CSMD1: variants seen among roughly 807,000 people sequenced by gnomAD.
CSMD1 encodes CUB and sushi domain-containing protein 1.
In CSMD1, 213 loss-of-function variants were observed where a neutral mutation model predicts 417.5. The ratio of observed to expected loss-of-function variants is 0.51; its 90% CI spans 0.46 to 0.57. The LOEUF is 0.57. Among genes scored for constraint, CSMD1 ranks in the 20% least tolerant of loss-of-function variants. The pLI is 0.00. For missense variants in CSMD1, 6,923 were observed against 4,529.7 expected (o/e 1.53, Z -15.17); for synonymous variants, 2,862 against 1,736.8 (o/e 1.65, Z -16.11).
At chr8:3,020,483 C>T (rs1283160023) in intron 51 of CSMD1, among the ~76,000 whole-genome samples, 1 of 152,146 alleles carries the variant, frequency 6.6e-6, no homozygotes, top group Admixed American at 6.5e-5. Flanking sequence ...CATCCTTCTG[C>T]TCAGCCTCCC....
At chr8:4,966,579 T>G (rs1394896904) in intron 1 of CSMD1, among the ~76,000 whole-genome samples, 2 of 152,146 alleles carry the variant, frequency 1.3e-5, no homozygotes, top group African/African-American at 4.8e-5. Context: ...CACACTGACA[T>G]GCTAAATACA....
At chr8:4,358,817 A>T (rs1207344576) in intron 3 of CSMD1, among the ~76,000 whole-genome samples, 1 of 152,198 alleles carries the variant, frequency 6.6e-6, no homozygotes. Context: ...GTTATAAATC[A>T]CGTAAGAGTG....
intron 3 of CSMD1, among the ~76,000 whole-genome samples, chr8:4,059,595 A>C (rs973279364): frequency 6.6e-6 from 1 of 152,126 alleles, no homozygotes; most frequent in Admixed American, 6.5e-5. Context: ...ATGCAATAAA[A>C]AATGATAAAG....
At position 3,712,778 on chromosome 8, in the gene CSMD1, T is replaced by C. The variant is rs1358655100; in HGVS notation, c.932-4287A>G. 2.6e-5 allele frequency among the ~76,000 whole-genome samples: 4 copies of C among 152,276 alleles called. No homozygotes were observed. The East Asian group carries it at 7.7e-4, about 29-fold the overall frequency. ...TAGTCTCACATTCCCTGGTGTCTGT[T>C]GGGTAAGGTGATTCCTTAGTAATTC... On this transcript the variant is annotated intron_variant, in intron 6 of 69. Transcript: ENST00000635120.
Position 3,408,096 on chromosome 8 carries a change from A to G in CSMD1, c.1874T>C (p.Ile625Thr). 1.2e-6 allele frequency: 2 copies of G among 1,613,952 alleles called. No individual in the cohort carries two copies. The highest frequency in any genetic ancestry group is 1.7e-6 in the Non-Finnish European group (2 of 1,179,878). The part of the protein sequence containing the change: ...ISEPGSRIHL[I>T]FNDFDVEPQF... Reference sequence around the variant, plus strand: ...AGGCTCAACATCAAAATCATTAAAGATTAGGTGAATTCGACTTCCTGGCTC... The same window carrying G: ...AGGCTCAACATCAAAATCATTAAAGGTTAGGTGAATTCGACTTCCTGGCTC... Residue 625 changes from isoleucine (I) to threonine (T), a missense_variant, in exon 14 of 70, where the codon ATC (isoleucine) becomes ACC (threonine). Physicochemically the swap from Ile to Thr is moderately conservative, Grantham distance 89. Transcript: ENST00000635120.
At position 2,976,329 on chromosome 8, in the gene CSMD1, C is replaced by T. The variant is rs375719605; in HGVS notation, c.8567-1705G>A. On this transcript the variant is annotated intron_variant, in intron 55 of 69. Transcript: ENST00000635120. ...CCTTTTATTGTGTATGTGGTAGATC[C>T]GATTCATAATGTAAGTGCCATTTCC... 7.9e-5 allele frequency among the ~76,000 whole-genome samples: 12 copies of T among 151,982 alleles called. No homozygotes were observed. The East Asian group carries it at 1.5e-3, about 20-fold the overall frequency.
intron 8 of CSMD1, among the ~76,000 whole-genome samples, chr8:3,594,552 C>G (rs913948845): frequency 6.6e-6 from 1 of 152,108 alleles, no homozygotes; most frequent in Non-Finnish European, 1.5e-5. Flanking sequence ...AGGTTATTTC[C>G]ATTACCATGG....
chr8:3,678,137 C>T (rs1016827881), intron 7 of CSMD1, among the ~76,000 whole-genome samples: 5 of 152,182 alleles, frequency 3.3e-5, no homozygotes, highest in Admixed American at 6.6e-5. Context: ...TTCTGCATTT[C>T]CAGCTGAGGA....
chr8:4,119,552 C>T (rs565750400), intron 3 of CSMD1, among the ~76,000 whole-genome samples: 1 of 151,140 alleles, frequency 6.6e-6, no homozygotes, highest in South Asian at 2.1e-4. Flanking sequence ...TAGATGAGGC[C>T]TTAAGGGTGT....
At chr8:4,826,738 A>G (rs1348795878) in intron 1 of CSMD1, among the ~76,000 whole-genome samples, 1 of 152,022 alleles carries the variant, frequency 6.6e-6, no homozygotes, top group East Asian at 1.9e-4. Context: ...CCATAACCCA[A>G]TGGAGAGACA....
intron 12 of CSMD1, among the ~76,000 whole-genome samples, chr8:3,462,608 G>C (rs1036408689): frequency 6.6e-6 from 1 of 152,078 alleles, no homozygotes; most frequent in Non-Finnish European, 1.5e-5. Flanking sequence ...AACAAGCTCA[G>C]GGCTCCCAAT....
chr8:4,315,861 GTCT>G (rs1798894202), intron 3 of CSMD1, among the ~76,000 whole-genome samples: 2 of 152,074 alleles, frequency 1.3e-5, no homozygotes, highest in South Asian at 2.1e-4. Context: ...TATATTCTCA[GTCT>G]TCTTAGTAAA....
intron 2 of CSMD1, among the ~76,000 whole-genome samples, chr8:4,576,133 G>C (rs534520269): frequency 6.6e-6 from 1 of 152,278 alleles, no homozygotes; most frequent in African/African-American, 2.4e-5. Context: ...ATCCCTCTTA[G>C]AATAATTGCA....
intron 3 of CSMD1, among the ~76,000 whole-genome samples, chr8:4,113,030 T>C (rs1801939573): frequency 6.6e-6 from 1 of 152,172 alleles, no homozygotes; most frequent in African/African-American, 2.4e-5. Flanking sequence ...TGATCCTTGA[T>C]GGTACCATTT....
chr8:3,542,181 G>C (rs1042408612), intron 10 of CSMD1, among the ~76,000 whole-genome samples: 1 of 152,016 alleles, frequency 6.6e-6, no homozygotes, highest in African/African-American at 2.4e-5. Context: ...AAAACTAAGA[G>C]TCTTGCTTGA....
intron 4 of CSMD1, among the ~76,000 whole-genome samples, chr8:4,005,666 G>A (rs763929735): frequency 1.2e-4 from 18 of 152,170 alleles, no homozygotes; most frequent in Non-Finnish European, 1.9e-4. Context: ...TATATTTGGT[G>A]CTTTCTTCCC....
At chr8:3,478,157 T>A (rs565814134) in intron 11 of CSMD1, among the ~76,000 whole-genome samples, 1 of 152,354 alleles carries the variant, frequency 6.6e-6, no homozygotes, top group South Asian at 2.1e-4. Flanking sequence ...TGAAATCCAT[T>A]ACAGCCAGGT....
chr8:4,956,265 G>A (rs948351665), intron 1 of CSMD1, among the ~76,000 whole-genome samples: 2 of 150,622 alleles, frequency 1.3e-5, no homozygotes, highest in African/African-American at 4.9e-5. Context: ...TTAATTTAAA[G>A]TGACAGACCT....
At chr8:4,280,978 G>A (rs813585) in intron 3 of CSMD1, among the ~76,000 whole-genome samples, 1 of 152,070 alleles carries the variant, frequency 6.6e-6, no homozygotes, top group Non-Finnish European at 1.5e-5. Context: ...CCCAGTAATA[G>A]AATAAAGTAG....
Sources: allele counts gnomAD v4.1 joint callset (sites outside exome capture counted in the v4.1 genomes callset), GRCh38; gene constraint gnomAD v4.1.1; transcripts MANE v1.5; gene names NCBI Gene and HGNC (gene_info 2026-07-23, HGNC 2026-07-21).